PCDH7: variants seen among roughly 807,000 people sequenced by gnomAD.
The protein encoded by PCDH7 is protocadherin-7.
Under a neutral mutation model 58.9 loss-of-function variants are expected in PCDH7, and 17 were observed. The observed-to-expected ratio is 0.29, with a 90% CI of 0.20 to 0.43. The LOEUF (loss-of-function observed/expected upper bound fraction) is 0.43. Ranked by LOEUF, PCDH7 falls within the 20% of genes least tolerant of loss-of-function variation. The pLI, the probability that PCDH7 is intolerant of heterozygous loss-of-function variation, is 1.00. For missense variants in PCDH7, 1,274 were observed against 1,441.0 expected (o/e 0.88, Z 1.88); for synonymous variants, 664 against 616.4 (o/e 1.08, Z -1.14).
At chr4:31,094,775 C>A (rs540455328) in intron 3 of PCDH7, among the ~76,000 whole-genome samples, 18 of 151,514 alleles carry the variant, frequency 1.2e-4, no homozygotes, top group African/African-American at 4.4e-4. Context: ...ACATTTCCTG[C>A]AGCCCATACA....
At chr4:30,910,748 G>A (rs1051620958) in intron 1 of PCDH7, among the ~76,000 whole-genome samples, 1 of 152,156 alleles carries the variant, frequency 6.6e-6, no homozygotes. Context: ...AAGACAGGGT[G>A]GTGATTCCTC....
At chr4:30,894,584 T>TACAC (rs780056632) in intron 1 of PCDH7, among the ~76,000 whole-genome samples, 1 of 90,362 alleles carries the variant, frequency 1.1e-5, no homozygotes, top group Non-Finnish European at 2.1e-5. Flanking sequence ...CACACATATA[T>TACAC]ACACACACAC....
At chr4:30,876,764 T>C (rs991149441) in intron 1 of PCDH7, among the ~76,000 whole-genome samples, 1 of 152,030 alleles carries the variant, frequency 6.6e-6, no homozygotes, top group Non-Finnish European at 1.5e-5. Flanking sequence ...TTACTTTAAG[T>C]TCTGGAATAC....
Position 30,724,076 on chromosome 4 carries a change from T to TTCTTA in PCDH7, c.2655_2656insCTTAT (p.Ala886LeufsTer6). The TTCTTA allele has an allele frequency of 6.2e-7, 1 of 1,614,058 alleles. No individual in the cohort carries two copies. The highest frequency in any genetic ancestry group is 8.5e-7 in the Non-Finnish European group (1 of 1,180,030). On this transcript the variant is annotated frameshift_variant, in exon 1 of 2. Coordinates refer to ENST00000361762, the Ensembl canonical transcript of PCDH7. LOFTEE classifies it high-confidence loss of function. ...AGACTCAGTATTGTCATTGGCGTGG[T>TTCTTA]TGCTGGCATTATGACGGTGATTCTA...
intron 3 of PCDH7, among the ~76,000 whole-genome samples, chr4:31,082,891 G>C (rs899395782): frequency 3.3e-5 from 5 of 152,084 alleles, no homozygotes; most frequent in African/African-American, 1.2e-4. Flanking sequence ...GGCGGATCAC[G>C]AGGTCAGGAG....
chr4:30,788,250 A>G (rs1723666820), intron 1 of PCDH7, among the ~76,000 whole-genome samples: 2 of 152,186 alleles, frequency 1.3e-5, no homozygotes. Flanking sequence ...ATATATCAAC[A>G]TGAACAAGAT....
intron 1 of PCDH7, among the ~76,000 whole-genome samples, chr4:30,783,532 G>T (rs943705471): frequency 3.9e-5 from 6 of 152,104 alleles, no homozygotes; most frequent in Non-Finnish European, 7.4e-5. Context: ...ATTTAGTATT[G>T]AAGCATACCT....
intron 1 of PCDH7, among the ~76,000 whole-genome samples, chr4:30,789,955 A>T (rs1723902717): frequency 1.3e-5 from 2 of 152,194 alleles, no homozygotes; most frequent in Non-Finnish European, 1.5e-5. Context: ...ATGGCTATCT[A>T]CAGCAGAAGA....
intron 1 of PCDH7, among the ~76,000 whole-genome samples, chr4:30,775,432 T>C (rs1032647193): frequency 1.3e-5 from 2 of 152,186 alleles, no homozygotes; most frequent in Non-Finnish European, 2.9e-5. Context: ...AAGTATACTC[T>C]ATACTAAGGG....
chr4:31,104,006 G>T (rs766255376), intron 3 of PCDH7, among the ~76,000 whole-genome samples: 1 of 152,066 alleles, frequency 6.6e-6, no homozygotes, highest in Non-Finnish European at 1.5e-5. Flanking sequence ...TGTAATGCTC[G>T]CTGTACCCCC....
chr4:30,921,968 G>A (rs4260492), intron 2 of PCDH7, among the ~76,000 whole-genome samples: 104,943 of 151,136 alleles, frequency 0.69, 36,447 homozygotes, highest in East Asian at 0.78. Context: ...TCTGTTTTAT[G>A]AGTTTATGGG....
At chr4:30,980,875 G>T (rs370731041) in intron 3 of PCDH7, among the ~76,000 whole-genome samples, 3 of 151,922 alleles carry the variant, frequency 2.0e-5, no homozygotes, top group African/African-American at 4.8e-5. Flanking sequence ...ACAGAATCTC[G>T]CTCTGTCACC....
intron 3 of PCDH7, among the ~76,000 whole-genome samples, chr4:31,088,255 T>A (rs2109280324): frequency 6.6e-6 from 1 of 152,198 alleles, no homozygotes; most frequent in South Asian, 2.1e-4. Context: ...ATTTAGAGGA[T>A]AATAGAATTG....
rs186311667 is a variant in PCDH7, at chr4:31,021,290, G to A, written c.*7+71075G>A. On this transcript the variant is annotated intron_variant, in intron 3 of 3. Coordinates refer to the PCDH7 transcript ENST00000509759. ...TTACATAGCCCCTAGGGAAATGCAGGTTATAACTACCAGAAACTAGATTCA... is the reference window on the plus strand; with the variant it reads ...TTACATAGCCCCTAGGGAAATGCAGATTATAACTACCAGAAACTAGATTCA... Among the ~76,000 whole-genome samples, 164 of 152,180 alleles carry A rather than the reference G, an allele frequency of 1.1e-3. 1 individual carries two copies. Among genetic ancestry groups the A allele is most frequent in the Non-Finnish European group, 1.8e-3 (120 of 68,012 alleles).
intron 3 of PCDH7, among the ~76,000 whole-genome samples, chr4:30,953,886 A>G (rs971104451): frequency 1.3e-5 from 2 of 152,146 alleles, no homozygotes; most frequent in Non-Finnish European, 2.9e-5. Flanking sequence ...AAAGACAAGC[A>G]CAACAAAACA....
intron 1 of PCDH7, among the ~76,000 whole-genome samples, chr4:30,743,133 A>G (rs1323898867): frequency 6.6e-6 from 1 of 152,076 alleles, no homozygotes; most frequent in Non-Finnish European, 1.5e-5. Flanking sequence ...GGAAATATAA[A>G]CAAAAATAAA....
At chr4:30,753,505 C>G (rs1342664463) in intron 1 of PCDH7, among the ~76,000 whole-genome samples, 2 of 152,150 alleles carry the variant, frequency 1.3e-5, no homozygotes, top group African/African-American at 4.8e-5. Flanking sequence ...TAGGCAGGCA[C>G]TTAGTACGTG....
intron 3 of PCDH7, among the ~76,000 whole-genome samples, chr4:31,123,479 G>A (rs113835711): frequency 1.2e-4 from 18 of 152,260 alleles, no homozygotes; most frequent in African/African-American, 3.9e-4. Context: ...AAAGCATGCA[G>A]GTAACCGGGT....
At chr4:31,128,179 A>G (rs1248285840) in intron 3 of PCDH7, among the ~76,000 whole-genome samples, 1 of 151,984 alleles carries the variant, frequency 6.6e-6, no homozygotes, top group Admixed American at 6.6e-5. Context: ...ACACATATAA[A>G]AGTCTGAAAC....
Sources: allele counts gnomAD v4.1 joint callset (sites outside exome capture counted in the v4.1 genomes callset), GRCh38; gene constraint gnomAD v4.1.1; transcripts MANE v1.5; gene names NCBI Gene and HGNC (gene_info 2026-07-23, HGNC 2026-07-21).